The following SHISAL2B variants were observed in gnomAD, a reference collection of about 807,000 sequenced individuals.
SHISAL2B encodes the protein protein shisa-like-2B.
SHISAL2B carries 12 observed loss-of-function variants against 16.5 expected under a neutral mutation model. The ratio of observed to expected loss-of-function variants is 0.73; its 90% CI spans 0.47 to 1.18. The LOEUF (loss-of-function observed/expected upper bound fraction) is 1.18, where lower values mean the gene tolerates loss of function less well. Among genes scored for constraint, SHISAL2B ranks in the 50% most tolerant of loss-of-function variants. The pLI is 0.00. For missense variants in SHISAL2B, 183 were observed against 193.6 expected (o/e 0.95, Z 0.33); for synonymous variants, 72 against 75.0 (o/e 0.96, Z 0.21).
rs538743469 is a variant in SHISAL2B at position 64,690,558 on chromosome 5, T to C, written c.-66T>C. On this transcript the variant is annotated 5_prime_UTR_variant, in exon 1 of 3. Transcript: ENST00000389074. ...CAGAGGGGTCCGCGGGCTCTGGAGG[T>C]GCTGGACGGGTGCGATCCGAGAGCA... 8.1e-5 allele frequency: 108 copies of C among 1,331,140 alleles called. No homozygotes were observed. In the African/African-American group the frequency reaches 1.6e-3, roughly 20 times the overall value. 82.5% of individuals were successfully genotyped at this position (1,331,140 alleles called of 1,614,324 possible).
chr5:64,715,798 AT>A (rs369992771), intron 2 of SHISAL2B, among the ~76,000 whole-genome samples: 13 of 152,124 alleles, frequency 8.5e-5, no homozygotes, highest in Middle Eastern at 3.4e-3. Context: ...ATTAGAAACC[AT>A]TTTTTTTAAG....
intron 1 of SHISAL2B, 40 bp downstream of exon 1, chr5:64,690,854 CG>C: frequency 1.4e-6 from 2 of 1,464,712 alleles, no homozygotes; most frequent in African/African-American, 1.4e-5. Flanking sequence ...TGGCCGAGCC[CG>C]GGGCTAGGGA....
At chr5:64,709,327 G>C (rs1228960811) in intron 2 of SHISAL2B, among the ~76,000 whole-genome samples, 1 of 151,222 alleles carries the variant, frequency 6.6e-6, no homozygotes, top group African/African-American at 2.4e-5. Flanking sequence ...TGAGAATGAT[G>C]GTTTCCAGTC....
intron 2 of SHISAL2B, among the ~76,000 whole-genome samples, chr5:64,715,937 G>A (rs77393277): frequency 9.7e-4 from 148 of 152,200 alleles, no homozygotes; most frequent in Non-Finnish European, 1.9e-3. Flanking sequence ...AGATCTCATC[G>A]TTGATGGTTT....
chr5:64,713,630 A>G (rs1352117475), intron 2 of SHISAL2B, among the ~76,000 whole-genome samples: 1 of 115,794 alleles, frequency 8.6e-6, no homozygotes, highest in East Asian at 2.4e-4. Context: ...TATCCTGCAG[A>G]GTGTTTTCCA....
chr5:64,690,884 G>A, intron 1 of SHISAL2B, 70 bp downstream of exon 1: 3 of 1,340,250 alleles, frequency 2.2e-6, no homozygotes, highest in Non-Finnish European at 3.0e-6. Context: ...GCGGAGCCAC[G>A]CCAGGGCCAG....
chr5:64,715,181 G>T (rs73759380), intron 2 of SHISAL2B, among the ~76,000 whole-genome samples: 6,463 of 151,874 alleles, frequency 0.043, 396 homozygotes, highest in African/African-American at 0.13. Flanking sequence ...TTATAGAAAG[G>T]TATCTTTAAT....
chr5:64,705,163 A>G (rs766848386), intron 2 of SHISAL2B, among the ~76,000 whole-genome samples: 1 of 152,234 alleles, frequency 6.6e-6, no homozygotes, highest in Non-Finnish European at 1.5e-5. Flanking sequence ...CAAGTCATAA[A>G]TTAATAAAAA....
At chr5:64,691,402 T>TGTGTGTGTGTGTGTGTGTGTGTG (rs1561372809) in intron 1 of SHISAL2B, 1 of 152,194 alleles carries the variant, frequency 6.6e-6, no homozygotes, top group African/African-American at 2.4e-5. Context: ...TGTGTGTGTG[T>TGTGTGTGTGTGTGTGTGTGTGTG]TCCTGAGGGC....
intron 1 of SHISAL2B, among the ~76,000 whole-genome samples, 182 bp downstream of exon 1, chr5:64,690,996 C>T (rs1169019651): frequency 1.3e-5 from 2 of 152,210 alleles, no homozygotes; most frequent in Non-Finnish European, 2.9e-5. Flanking sequence ...AATCTCGCCC[C>T]GGCTCGGAGC....
intron 2 of SHISAL2B, 30 bp downstream of exon 2, chr5:64,695,694 T>C (rs1456395198): frequency 2.8e-6 from 4 of 1,449,744 alleles, no homozygotes; most frequent in Non-Finnish European, 3.7e-6. Context: ...TGTTACCAAT[T>C]ACCTGAACTC....
intron 2 of SHISAL2B, among the ~76,000 whole-genome samples, chr5:64,716,779 T>TGAA (rs1163917560): frequency 6.6e-6 from 1 of 152,036 alleles, no homozygotes; most frequent in Non-Finnish European, 1.5e-5. Flanking sequence ...TAGAAAAAAA[T>TGAA]GAAGTCAGAG....
At chr5:64,711,270 G>GT (rs1741953657) in intron 2 of SHISAL2B, among the ~76,000 whole-genome samples, 2 of 145,382 alleles carry the variant, frequency 1.4e-5, no homozygotes, top group Admixed American at 6.7e-5. Context: ...TTTGTCAAAG[G>GT]CTTTTTCTGC....
At chr5:64,712,486 GGTGTGGTGCTGAAAAAAAT>G (rs1741973580) in intron 2 of SHISAL2B, among the ~76,000 whole-genome samples, 1 of 151,168 alleles carries the variant, frequency 6.6e-6, no homozygotes, top group Middle Eastern at 3.2e-3. Context: ...GAATAGGTGT[GGTGTGGTGCTGAAAAAAAT>G]GTATATTCTG....
intron 2 of SHISAL2B, 68 bp downstream of exon 2, chr5:64,695,732 T>C (rs1456528362): frequency 6.0e-6 from 7 of 1,159,406 alleles, no homozygotes; most frequent in Non-Finnish European, 8.1e-6. Context: ...TGTACCTGGG[T>C]GATAATACTG....
At chr5:64,706,052 T>C (rs1741871769) in intron 2 of SHISAL2B, among the ~76,000 whole-genome samples, 1 of 152,168 alleles carries the variant, frequency 6.6e-6, no homozygotes, top group South Asian at 2.1e-4. Flanking sequence ...TCCCAGCTAC[T>C]TGGGAGGCAA....
At chr5:64,714,853 A>T (rs1368925843) in intron 2 of SHISAL2B, among the ~76,000 whole-genome samples, 1 of 151,754 alleles carries the variant, frequency 6.6e-6, no homozygotes, top group Non-Finnish European at 1.5e-5. Flanking sequence ...GAACTCTCTG[A>T]CCCCTTGCGC....
chr5:64,694,110 C>T (rs188574849), intron 1 of SHISAL2B: 496 of 455,472 alleles, frequency 1.1e-3, no homozygotes, highest in Non-Finnish European at 1.8e-3. Context: ...GTGTCCTAAT[C>T]CCAGAGAAAG....
intron 2 of SHISAL2B, among the ~76,000 whole-genome samples, chr5:64,712,463 G>A (rs1342412330): frequency 5.9e-5 from 9 of 151,304 alleles, no homozygotes; most frequent in Non-Finnish European, 8.9e-5. Flanking sequence ...TTCCAACTAT[G>A]TGGTCAATTT....
Sources: gnomAD v4.1 joint callset for allele counts (sites outside exome capture counted in the v4.1 genomes callset) on GRCh38, gnomAD v4.1.1 for gene constraint, MANE v1.5 for transcripts, NCBI Gene and HGNC (gene_info 2026-07-23, HGNC 2026-07-21) for gene names.